Variants in CSMD1 observed in about 807,000 individuals in gnomAD.
CSMD1 encodes CUB and sushi domain-containing protein 1.
CSMD1 carries 213 observed loss-of-function variants against 417.5 expected under a neutral mutation model. That is an observed-to-expected ratio of 0.51 (90% CI 0.46 to 0.57). The LOEUF is 0.57. Among genes scored for constraint, CSMD1 ranks in the 20% least tolerant of loss-of-function variants. The pLI, the probability that CSMD1 is intolerant of heterozygous loss-of-function variation, is 0.00. For synonymous variants in CSMD1, 2,862 were observed against 1,736.8 expected (o/e 1.65, Z -16.11); for missense variants, 6,923 against 4,529.7 (o/e 1.53, Z -15.17).
At chr8:4,454,182 C>A (rs1048953808) in intron 2 of CSMD1, among the ~76,000 whole-genome samples, 12 of 152,036 alleles carry the variant, frequency 7.9e-5, no homozygotes, top group African/African-American at 2.2e-4. Flanking sequence ...TCAGTTCCTA[C>A]CCCATTCTGC....
intron 5 of CSMD1, among the ~76,000 whole-genome samples, chr8:3,939,852 G>C (rs914467797): frequency 6.6e-6 from 1 of 151,980 alleles, no homozygotes; most frequent in African/African-American, 2.4e-5. Flanking sequence ...ATGGACATTG[G>C]GTATTGGGAG....
intron 33 of CSMD1, among the ~76,000 whole-genome samples, chr8:3,199,036 G>A (rs1023469427): frequency 1.3e-5 from 2 of 152,172 alleles, no homozygotes; most frequent in African/African-American, 2.4e-5. Flanking sequence ...CCAAGCTTCT[G>A]AAAGTGTATG....
At chr8:3,674,043 T>C (rs1563259688) in intron 7 of CSMD1, among the ~76,000 whole-genome samples, 1 of 152,048 alleles carries the variant, frequency 6.6e-6, no homozygotes, top group Non-Finnish European at 1.5e-5. Context: ...GAGGCAGAGG[T>C]TGCAATGAGC....
At chr8:4,277,986 G>T (rs1473959450) in intron 3 of CSMD1, among the ~76,000 whole-genome samples, 1 of 151,978 alleles carries the variant, frequency 6.6e-6, no homozygotes, top group African/African-American at 2.4e-5. Context: ...CTAACCTCGT[G>T]ATTCGCCGCC....
chr8:4,866,271 G>C (rs749809772), intron 1 of CSMD1, among the ~76,000 whole-genome samples: 5 of 151,694 alleles, frequency 3.3e-5, no homozygotes, highest in African/African-American at 7.3e-5. Context: ...TCACTTTCTT[G>C]GTTCTTAGTA....
intron 3 of CSMD1, among the ~76,000 whole-genome samples, chr8:4,350,627 G>A (rs937057906): frequency 6.6e-6 from 1 of 152,116 alleles, no homozygotes; most frequent in Admixed American, 6.5e-5. Flanking sequence ...CTGGGCAATG[G>A]GCTAGAGAAT....
At chr8:3,185,495 G>A (rs754782403) in intron 36 of CSMD1, among the ~76,000 whole-genome samples, 1 of 152,116 alleles carries the variant, frequency 6.6e-6, no homozygotes, top group Non-Finnish European at 1.5e-5. Context: ...TTCTGTCACA[G>A]ATTTATGACT....
At chr8:4,759,235 C>T (rs1811867416) in intron 1 of CSMD1, among the ~76,000 whole-genome samples, 1 of 152,116 alleles carries the variant, frequency 6.6e-6, no homozygotes, top group African/African-American at 2.4e-5. Context: ...ACCTCACCAT[C>T]AGTGTCGTTG....
At chr8:4,174,966 G>C (rs561429684) in intron 3 of CSMD1, among the ~76,000 whole-genome samples, 25 of 151,150 alleles carry the variant, frequency 1.7e-4, no homozygotes, top group Non-Finnish European at 3.7e-4. Context: ...AATTAGTATT[G>C]ATGGCTCTTT....
At chr8:4,024,153 T>C (rs1313175332) in intron 4 of CSMD1, among the ~76,000 whole-genome samples, 4 of 151,984 alleles carry the variant, frequency 2.6e-5, no homozygotes, top group Admixed American at 1.3e-4. Context: ...AAATACAGCA[T>C]AAAGAATCAG....
chr8:4,125,689 T>G (rs895244969), intron 3 of CSMD1, among the ~76,000 whole-genome samples: 3 of 152,222 alleles, frequency 2.0e-5, no homozygotes, highest in Non-Finnish European at 4.4e-5. Context: ...TGTTCATTCC[T>G]GGGCATAGGC....
intron 5 of CSMD1, among the ~76,000 whole-genome samples, chr8:3,843,054 ATGT>A (rs1210121482): frequency 2.0e-5 from 3 of 152,150 alleles, no homozygotes; most frequent in African/African-American, 4.8e-5. Context: ...CACATGATAA[ATGT>A]TGTAATGAGT....
chr8:3,304,997 C>T (rs565254246), intron 25 of CSMD1, among the ~76,000 whole-genome samples: 1 of 152,100 alleles, frequency 6.6e-6, no homozygotes, highest in Non-Finnish European at 1.5e-5. Context: ...TTTTACATTA[C>T]TCAAATCTAG....
intron 1 of CSMD1, among the ~76,000 whole-genome samples, chr8:4,874,693 A>G (rs919395209): frequency 4.6e-5 from 7 of 151,952 alleles, no homozygotes; most frequent in African/African-American, 1.7e-4. Flanking sequence ...AATAGCTAAC[A>G]GTGAATTTAC....
intron 1 of CSMD1, 44 bp from the exon 2 acceptor site, chr8:4,637,602 T>C: frequency 2.7e-6 from 3 of 1,114,300 alleles, no homozygotes; most frequent in Non-Finnish European, 3.8e-6. Flanking sequence ...ATTCTGGCCA[T>C]CTTTAATCTG....
chr8:3,233,996 T>C (rs1448081546), intron 26 of CSMD1, among the ~76,000 whole-genome samples: 1 of 152,220 alleles, frequency 6.6e-6, no homozygotes, highest in East Asian at 1.9e-4. Flanking sequence ...TCGATGTCTG[T>C]GTATTCTCCC....
In CSMD1 at chr8:3,356,573, G is replaced by A. The variant is rs182256613; in HGVS notation, c.3304+2579C>T. On this transcript the variant is annotated intron_variant, in intron 21 of 69. Transcript: ENST00000635120. ...GCCTGTAGTCCCAGCAACTCGGGAG[G>A]ATGAGGCAGGAGAATTGCTTGAACC... is the stretch of plus-strand genomic sequence containing the variant. Among the ~76,000 whole-genome samples, 281 of 152,334 alleles carry A rather than the reference G, an allele frequency of 1.8e-3. 1 individual carries two copies. The highest frequency in any genetic ancestry group is 3.1e-3 in the Non-Finnish European group (213 of 68,038).
chr8:3,893,137 A>G (rs1307165876), intron 5 of CSMD1, among the ~76,000 whole-genome samples: 1 of 151,688 alleles, frequency 6.6e-6, no homozygotes, highest in Admixed American at 6.6e-5. Flanking sequence ...TCACACAAAA[A>G]GGTAATCAAA....
chr8:4,894,407 G>C (rs777645743), intron 1 of CSMD1, among the ~76,000 whole-genome samples: 4 of 151,222 alleles, frequency 2.6e-5, no homozygotes, highest in African/African-American at 9.8e-5. Context: ...CTCTTTCTCT[G>C]CCCATTTCAG....
Sources: allele counts gnomAD v4.1 joint callset (sites outside exome capture counted in the v4.1 genomes callset), GRCh38; gene constraint gnomAD v4.1.1; transcripts MANE v1.5; gene names NCBI Gene and HGNC (gene_info 2026-07-23, HGNC 2026-07-21).